GRID2: variants seen among roughly 807,000 people sequenced by gnomAD.
GRID2 encodes glutamate receptor ionotropic, delta-2.
A neutral mutation model predicts 114.8 loss-of-function variants in GRID2; 33 were observed. That is an observed-to-expected ratio of 0.29 (90% CI 0.22 to 0.38). The LOEUF (loss-of-function observed/expected upper bound fraction) is 0.38. Among genes scored for constraint, GRID2 ranks in the 10% least tolerant of loss-of-function variants. The probability of loss-of-function intolerance (pLI) is 1.00; values close to 1 mark genes in which losing one functional copy is unlikely to be tolerated. For synonymous variants in GRID2, 505 were observed against 449.9 expected (o/e 1.12, Z -1.55); for missense variants, 1,184 against 1,257.7 (o/e 0.94, Z 0.89).
chr4:92,803,660 A>C (rs1379852218), intron 2 of GRID2, among the ~76,000 whole-genome samples: 1 of 151,976 alleles, frequency 6.6e-6, no homozygotes, highest in Non-Finnish European at 1.5e-5. Flanking sequence ...TTTTGCTTCT[A>C]TCTGGAGCCC....
chr4:93,381,376 G>T (rs895181979), intron 8 of GRID2, among the ~76,000 whole-genome samples: 1 of 151,996 alleles, frequency 6.6e-6, no homozygotes, highest in Admixed American at 6.6e-5. Context: ...TGTCCTCAAG[G>T]TTCATCCATG....
In GRID2 at chr4:93,224,482, C is replaced by A. The variant is rs1221479459; in HGVS notation, c.964-132C>A. ...ATTGCCCAGGAAATGACAAAAGAAA[C>A]CTTCTGCTTAATAACCCAGTAAACC... On this transcript the variant is annotated intron_variant, in intron 6 of 15. Transcript: ENST00000282020. The A allele has an allele frequency of 1.6e-5, 9 of 550,312 alleles. No individual in the cohort carries two copies. The East Asian group carries it at 1.8e-4, about 11-fold the overall frequency. The allele number at this position is 550,312 out of a possible 1,614,324, so 34.1% of individuals were successfully genotyped here. A position where few individuals can be genotyped will look rare whatever the true frequency, so the allele number is the denominator to read the frequency against.
chr4:93,202,125 A>G (rs1742172443), intron 4 of GRID2, among the ~76,000 whole-genome samples: 1 of 152,210 alleles, frequency 6.6e-6, no homozygotes, highest in Admixed American at 6.5e-5. Context: ...GAGGAAATTC[A>G]TTACCAAGGG....
chr4:92,944,616 T>G (rs1421432104), intron 2 of GRID2, among the ~76,000 whole-genome samples: 1 of 152,204 alleles, frequency 6.6e-6, no homozygotes, highest in Non-Finnish European at 1.5e-5. Flanking sequence ...GGTATCTCAG[T>G]TGGAAAAGTA....
chr4:93,488,797 C>A (rs1726665078), intron 11 of GRID2, among the ~76,000 whole-genome samples: 1 of 151,940 alleles, frequency 6.6e-6, no homozygotes, highest in African/African-American at 2.4e-5. Context: ...CACCTTCTTG[C>A]TGTGTCCTCA....
At chr4:92,368,943 GAA>G (rs34556616) in intron 1 of GRID2, among the ~76,000 whole-genome samples, 56 of 128,402 alleles carry the variant, frequency 4.4e-4, no homozygotes, top group African/African-American at 1.4e-3. Flanking sequence ...AGCAAATTGT[GAA>G]AAAAAAAAAA....
intron 2 of GRID2, among the ~76,000 whole-genome samples, chr4:93,023,690 T>A (rs1371415144): frequency 6.6e-6 from 1 of 151,822 alleles, no homozygotes; most frequent in Non-Finnish European, 1.5e-5. Context: ...ACCTCAAATA[T>A]CTTAAACTGA....
At chr4:93,438,849 T>C (rs7692930) in intron 10 of GRID2, among the ~76,000 whole-genome samples, 102,464 of 144,522 alleles carry the variant, frequency 0.71, 36,353 homozygotes, top group African/African-American at 0.84. Context: ...CACCCCACAA[T>C]AGTCCCCGGA....
intron 9 of GRID2, among the ~76,000 whole-genome samples, chr4:93,412,971 C>A (rs934173173): frequency 3.3e-5 from 5 of 152,094 alleles, no homozygotes; most frequent in African/African-American, 1.2e-4. Flanking sequence ...GTGTAAGTGC[C>A]ACATTTTCTT....
chr4:92,779,111 C>T (rs186122234), intron 2 of GRID2, among the ~76,000 whole-genome samples: 269 of 151,744 alleles, frequency 1.8e-3, no homozygotes, highest in Middle Eastern at 0.014. Flanking sequence ...GTTAGAGATG[C>T]TTGAGAAGAA....
chr4:92,682,085 CT>C (rs5860285), intron 2 of GRID2, among the ~76,000 whole-genome samples: 98,832 of 148,956 alleles, frequency 0.66, 34,656 homozygotes, highest in African/African-American at 0.91. Flanking sequence ...GAGAAAGAGT[CT>C]TTTTTTTTTT....
At chr4:92,559,589 C>G (rs1002177035) in intron 1 of GRID2, among the ~76,000 whole-genome samples, 1 of 152,108 alleles carries the variant, frequency 6.6e-6, no homozygotes, top group Non-Finnish European at 1.5e-5. Flanking sequence ...TTGTCTTCCA[C>G]AGTCAAAGCA....
At chr4:93,606,849 T>A (rs917872400) in intron 13 of GRID2, among the ~76,000 whole-genome samples, 4 of 152,150 alleles carry the variant, frequency 2.6e-5, no homozygotes, top group African/African-American at 9.7e-5. Context: ...TAACTATTAT[T>A]TTACTGTATA....
chr4:93,612,483 A>T (rs886202525), intron 13 of GRID2, among the ~76,000 whole-genome samples: 1 of 125,770 alleles, frequency 8.0e-6, no homozygotes, highest in African/African-American at 3.1e-5. Context: ...CGCTTCCTTC[A>T]GGAGCTCTTT....
intron 1 of GRID2, among the ~76,000 whole-genome samples, chr4:92,556,948 A>G (rs1343997156): frequency 6.6e-6 from 1 of 152,134 alleles, no homozygotes; most frequent in East Asian, 1.9e-4. Context: ...CTCACGTAAT[A>G]TCCTAGTATA....
In GRID2 at chr4:92,359,616, G is replaced by C. The variant is rs907861544; in HGVS notation, c.88+54872G>C. On this transcript the variant is annotated intron_variant, in intron 1 of 15. Transcript: ENST00000282020. The stretch of plus-strand genomic sequence containing the variant: ...ACAGAGGTTTGTGCATTTCAATAGA[G>C]CATAGCCCCTCAACACTAGGGAATG... 3.3e-5 allele frequency among the ~76,000 whole-genome samples: 5 copies of C among 151,924 alleles called. No individual in the cohort carries two copies. In the South Asian group the frequency reaches 1.0e-3, roughly 32 times the overall value.
intron 2 of GRID2, among the ~76,000 whole-genome samples, chr4:92,817,653 C>G (rs1740999081): frequency 6.6e-6 from 1 of 150,764 alleles, no homozygotes. Context: ...TGTATCAAAA[C>G]TACTGGGATT....
chr4:92,445,845 A>C (rs568285225), intron 1 of GRID2, among the ~76,000 whole-genome samples: 1 of 152,342 alleles, frequency 6.6e-6, no homozygotes, highest in Admixed American at 6.5e-5. Flanking sequence ...TAGCTCTGCT[A>C]TTGTTAATCA....
intron 1 of GRID2, among the ~76,000 whole-genome samples, chr4:92,534,243 C>G (rs185376590): frequency 1.6e-4 from 24 of 152,160 alleles, no homozygotes; most frequent in Admixed American, 5.9e-4. Flanking sequence ...GAAAGTCTAT[C>G]CTCTTACCTT....
Sources: allele counts gnomAD v4.1 joint callset (sites outside exome capture counted in the v4.1 genomes callset), GRCh38; gene constraint gnomAD v4.1.1; transcripts MANE v1.5; gene names NCBI Gene and HGNC (gene_info 2026-07-23, HGNC 2026-07-21).